MID1: variants seen among roughly 807,000 people sequenced by gnomAD.
MID1 encodes E3 ubiquitin-protein ligase Midline-1.
Under a neutral mutation model 40.4 loss-of-function variants are expected in MID1, and 7 were observed. The observed-to-expected ratio is 0.17, with a 90% confidence interval of 0.10 to 0.33. The LOEUF (loss-of-function observed/expected upper bound fraction) is 0.33, where lower values mean the gene tolerates loss of function less well. Ranked by LOEUF, MID1 falls within the 10% of genes least tolerant of loss-of-function variation. The pLI is 1.00. For missense variants in MID1, 367 were observed against 558.5 expected (o/e 0.66, Z 3.46); for synonymous variants, 229 against 221.2 (o/e 1.04, Z -0.31).
At chrX:10,535,406 AACAAGTAC>A (rs1411670813) in intron 2 of MID1, among the ~76,000 whole-genome samples, 1 of 112,601 alleles carries the variant, frequency 8.9e-6, no homozygotes, top group African/African-American at 3.2e-5. Context: ...ATATGTATAT[AACAAGTAC>A]AGGAATAAAA....
Position 10,735,802 on chromosome X carries a change from C to T in MID1, c.-187+97752G>A, listed in dbSNP as rs2043483588. On this transcript the variant is annotated intron_variant, in intron 1 of 10. Coordinates refer to the MID1 transcript ENST00000380785. ...CCTCCTAGGCTCAAGTGATCCTCCC[C>T]TCTCAGCCTCCTGAGTAGCTGGGAC... Among the ~76,000 whole-genome samples, 3 of 111,387 alleles carry T rather than the reference C, an allele frequency of 2.7e-5. No homozygotes were observed. The South Asian group carries it at 1.1e-3, about 42-fold the overall frequency.
In MID1 at chrX:10,642,168, G is replaced by C. The variant is rs766877714; in HGVS notation, c.-186-21749C>G. Among the ~76,000 whole-genome samples the C allele has an allele frequency of 6.5e-3, 723 of 111,665 alleles. 10 individuals carry two copies. Among genetic ancestry groups the C allele is most frequent in the African/African-American group, 0.023 (690 of 30,584 alleles). On this transcript the variant is annotated intron_variant, in intron 1 of 10. Coordinates refer to the MID1 transcript ENST00000380785. ...CACAGTGTTGGAAGTTCTGGCCAGG[G>C]CAATCAGGCAGGAGAAAGAAATAAA... is the stretch of plus-strand genomic sequence containing the variant.
At chrX:10,542,708 C>G (rs1933520460) in intron 2 of MID1, among the ~76,000 whole-genome samples, 1 of 111,797 alleles carries the variant, frequency 8.9e-6, no homozygotes. Context: ...GTCTTCCCAT[C>G]CCTGACTAGG....
At chrX:10,479,228 G>T (rs913250205) in intron 5 of MID1, among the ~76,000 whole-genome samples, 6 of 111,607 alleles carry the variant, frequency 5.4e-5, no homozygotes, top group African/African-American at 2.0e-4. Flanking sequence ...TATATAGTAG[G>T]TGTTTATATT....
chrX:10,694,415 C>T (rs1418788902), intron 1 of MID1, among the ~76,000 whole-genome samples: 1 of 112,296 alleles, frequency 8.9e-6, no homozygotes, highest in Non-Finnish European at 1.9e-5. Context: ...ACTGAGCACT[C>T]CTGCATGCAC....
intron 1 of MID1, among the ~76,000 whole-genome samples, chrX:10,809,148 AT>A (rs1401910401): frequency 8.9e-6 from 1 of 112,310 alleles, no homozygotes; most frequent in East Asian, 2.8e-4. Flanking sequence ...AAAAGAAGAC[AT>A]TTATGCAGCC....
chrX:10,771,031 G>A lies in MID1; in HGVS notation c.-187+62523C>T, dbSNP rs190755796. Among the ~76,000 whole-genome samples, 10 of 108,681 alleles carry A rather than the reference G, an allele frequency of 9.2e-5. No homozygotes were observed. In the East Asian group the frequency reaches 1.2e-3, roughly 13 times the overall value. The allele number at this position is 108,681 out of a possible 115,157, so 94.4% of individuals were successfully genotyped here. Reference sequence around the variant, plus strand: ...TGAGGCAGGAGAATGGCGTGAACCCGGGAGGCGGAGCTTGCAGTGAGCCGA... The same window carrying A: ...TGAGGCAGGAGAATGGCGTGAACCCAGGAGGCGGAGCTTGCAGTGAGCCGA... On this transcript the variant is annotated intron_variant, in intron 1 of 10. Coordinates refer to the MID1 transcript ENST00000380785.
intron 4 of MID1, among the ~76,000 whole-genome samples, chrX:10,485,103 T>C (rs1930549165): frequency 1.8e-5 from 2 of 112,494 alleles, no homozygotes; most frequent in South Asian, 7.3e-4. Context: ...ACCACACTCA[T>C]TGGTTACACA....
chrX:10,816,861 A>G (rs2044138858), intron 1 of MID1, among the ~76,000 whole-genome samples: 1 of 111,849 alleles, frequency 8.9e-6, no homozygotes, highest in Non-Finnish European at 1.9e-5. Flanking sequence ...TGACAGATGT[A>G]CCTCCTTTCA....
rs150146645 is a variant in MID1 at position 10,496,572 on chromosome X, G to A, written c.757-881C>T. On this transcript the variant is annotated intron_variant, in intron 3 of 9. Transcript: ENST00000317552. ...GGTTTATTATTTTAACACAGCCACA[G>A]GAGAAGTTGCAATGTTACAAAGAAT... Among the ~76,000 whole-genome samples, 855 of 112,705 alleles carry A rather than the reference G, an allele frequency of 7.6e-3. 9 individuals are homozygous for A. The highest frequency in any genetic ancestry group is 0.025 in the African/African-American group (784 of 31,083).
intron 1 of MID1, among the ~76,000 whole-genome samples, chrX:10,762,952 T>G (rs1028550172): frequency 2.7e-5 from 3 of 111,592 alleles, no homozygotes. Context: ...GCCACAGAAG[T>G]GATCTTAGTT....
chrX:10,686,054 T>G (rs2043095289), intron 1 of MID1, among the ~76,000 whole-genome samples: 1 of 111,609 alleles, frequency 9.0e-6, no homozygotes, highest in South Asian at 3.8e-4. Flanking sequence ...CTGTGCCTCT[T>G]GCAGTTTCAT....
intron 1 of MID1, among the ~76,000 whole-genome samples, chrX:10,690,616 C>T (rs1209881482): frequency 4.5e-5 from 5 of 111,427 alleles, no homozygotes. Context: ...CCCTTCAAAC[C>T]ACTTACTACA....
intron 1 of MID1, among the ~76,000 whole-genome samples, chrX:10,605,993 A>G (rs1040858711): frequency 9.0e-6 from 1 of 111,603 alleles, no homozygotes; most frequent in African/African-American, 3.3e-5. Flanking sequence ...GTACAACTCA[A>G]TGGCGTATTT....
chrX:10,664,965 C>T (rs909139907), intron 1 of MID1, among the ~76,000 whole-genome samples: 2 of 111,936 alleles, frequency 1.8e-5, no homozygotes, highest in East Asian at 5.6e-4. Flanking sequence ...AAATTTAAAA[C>T]TTTAAGTTGC....
intron 1 of MID1, among the ~76,000 whole-genome samples, chrX:10,822,410 C>T (rs1373093237): frequency 8.9e-6 from 1 of 111,777 alleles, no homozygotes; most frequent in African/African-American, 3.3e-5. Flanking sequence ...CTAGGCAATA[C>T]CATTCAGGAA....
chrX:10,545,386 C>T (rs769769356), intron 2 of MID1, among the ~76,000 whole-genome samples: 8 of 112,117 alleles, frequency 7.1e-5, no homozygotes, highest in Non-Finnish European at 1.3e-4. Flanking sequence ...GAAATTTCGG[C>T]CTTTCTTTCG....
chrX:10,785,472 A>T (rs775136086), intron 1 of MID1, among the ~76,000 whole-genome samples: 1 of 111,676 alleles, frequency 9.0e-6, no homozygotes, highest in East Asian at 2.8e-4. Context: ...ATTACTTTAA[A>T]GTTCATATGG....
chrX:10,593,665 A>C (rs1193621020), intron 1 of MID1, among the ~76,000 whole-genome samples: 1 of 109,357 alleles, frequency 9.1e-6, no homozygotes, highest in Non-Finnish European at 1.9e-5. Context: ...CTTGCATTGT[A>C]TGAGGGAAGA....
Sources: allele counts gnomAD v4.1 joint callset (sites outside exome capture counted in the v4.1 genomes callset), GRCh38; gene constraint gnomAD v4.1.1; transcripts MANE v1.5; gene names NCBI Gene and HGNC (gene_info 2026-07-23, HGNC 2026-07-21).